CPT1A: variants seen among roughly 807,000 people sequenced by gnomAD.
CPT1A encodes carnitine palmitoyltransferase 1A, also known as carnitine O-palmitoyltransferase 1, liver isoform.
Under a neutral mutation model 100.8 loss-of-function variants are expected in CPT1A, and 64 were observed. The observed-to-expected ratio is 0.63, with a 90% CI of 0.52 to 0.78. CPT1A has a LOEUF of 0.78. Among genes scored for constraint, CPT1A ranks in the 30% least tolerant of loss-of-function variants. The pLI is 0.00. For synonymous variants in CPT1A, 363 were observed against 396.0 expected (o/e 0.92, Z 0.99); for missense variants, 802 against 1,034.1 (o/e 0.78, Z 3.08).
intron 6 of CPT1A, among the ~76,000 whole-genome samples, chr11:68,798,862 G>A (rs1225996488): frequency 1.3e-5 from 2 of 152,164 alleles, no homozygotes; most frequent in Non-Finnish European, 2.9e-5. Flanking sequence ...CTGCACTCAG[G>A]GTAAAACTGT....
At chr11:68,781,000 G>T (rs11228349) in intron 11 of CPT1A, among the ~76,000 whole-genome samples, 1 of 152,112 alleles carries the variant, frequency 6.6e-6, no homozygotes, top group Non-Finnish European at 1.5e-5. Context: ...TGTTGTTATC[G>T]CAAGGCAACT....
At chr11:68,766,837 A>G (rs984332766) in intron 14 of CPT1A, among the ~76,000 whole-genome samples, 20 of 152,222 alleles carry the variant, frequency 1.3e-4, no homozygotes, top group Non-Finnish European at 2.1e-4. Context: ...AAAAAAAAAA[A>G]AAAAGAAAAG....
At chr11:68,778,534 A>ACT (rs2153997489) in intron 12 of CPT1A, among the ~76,000 whole-genome samples, 1 of 152,010 alleles carries the variant, frequency 6.6e-6, no homozygotes, top group Admixed American at 6.6e-5. Flanking sequence ...TCAGGTTTAT[A>ACT]TATATATAAA....
chr11:68,755,710 C>CTTTTTTTTTTTTTTTTT lies in CPT1A; in HGVS notation c.*1933_*1934insAAAAAAAAAAAAAAAAA, dbSNP rs750569368. The CTTTTTTTTTTTTTTTTT allele has an allele frequency of 9.0e-6, 1 of 111,164 alleles. No homozygotes were observed. The highest frequency in any genetic ancestry group is 1.8e-5 in the Non-Finnish European group (1 of 55,644). The allele number at this position is 111,164 out of a possible 1,614,324, so 6.9% of individuals were successfully genotyped here. ...ACGCATGAGCCACCGCGCCTGGACG[C>CTTTTTTTTTTTTTTTTT]TTTTTTTTTTTTTTTTGTCTTTTGT... On this transcript the variant is annotated 3_prime_UTR_variant, in exon 19 of 19. Coordinates refer to ENST00000265641, the MANE Select transcript of CPT1A (RefSeq NM_001876.4).
At chr11:68,818,659 G>C (rs1362285652) in intron 1 of CPT1A, 1 of 152,616 alleles carries the variant, frequency 6.6e-6, no homozygotes, top group Admixed American at 6.5e-5. Flanking sequence ...AGGAACTCAA[G>C]ACCAGCCTGG....
chr11:68,758,470 G>A (rs1342799389), intron 18 of CPT1A, among the ~76,000 whole-genome samples: 1 of 152,150 alleles, frequency 6.6e-6, no homozygotes, highest in East Asian at 1.9e-4. Context: ...TGCTCTGTAT[G>A]CAGATTTCTT....
Position 68,804,134 on chromosome 11 carries a change from G to T in CPT1A, c.454-33C>A, listed in dbSNP as rs533158196. ...GAGAGAATTATATTTTCAGACTACTGCCATACTACTCTGAAGGCACCTGTT... is the reference window on the plus strand; with the variant it reads ...GAGAGAATTATATTTTCAGACTACTTCCATACTACTCTGAAGGCACCTGTT... On this transcript the variant is annotated intron_variant, in intron 4 of 18. Transcript: ENST00000265641. The T allele has an allele frequency of 9.2e-6, 14 of 1,527,898 alleles. 1 individual carries two copies. In the South Asian group the frequency reaches 1.3e-4, roughly 15 times the overall value. 94.6% of individuals were successfully genotyped at this position (1,527,898 alleles called of 1,614,324 possible).
At chr11:68,839,364 A>G (rs1857103838) in intron 1 of CPT1A, among the ~76,000 whole-genome samples, 1 of 152,098 alleles carries the variant, frequency 6.6e-6, no homozygotes, top group South Asian at 2.1e-4. Context: ...CCTTCCCCCA[A>G]GCCCCGGGCG....
At chr11:68,759,068 G>A (rs1946749627) in intron 18 of CPT1A, among the ~76,000 whole-genome samples, 1 of 151,944 alleles carries the variant, frequency 6.6e-6, no homozygotes, top group African/African-American at 2.4e-5. Context: ...GGAAATGTGG[G>A]GAGACCCTGT....
chr11:68,760,084 G>T, intron 17 of CPT1A, 141 bp downstream of exon 17: 1 of 687,750 alleles, frequency 1.5e-6, no homozygotes, highest in Admixed American at 2.2e-5. Flanking sequence ...GACATCCATA[G>T]CAATGATCAG....
intron 5 of CPT1A, among the ~76,000 whole-genome samples, chr11:68,802,783 G>A (rs1181916450): frequency 6.6e-6 from 1 of 150,844 alleles, no homozygotes; most frequent in African/African-American, 2.4e-5. Flanking sequence ...TGTAGTCCCA[G>A]CTACTCAGGA....
chr11:68,781,440 TG>T (rs1321032693), intron 11 of CPT1A, among the ~76,000 whole-genome samples: 2 of 152,034 alleles, frequency 1.3e-5, no homozygotes, highest in Non-Finnish European at 2.9e-5. Context: ...GCCAACATGG[TG>T]AAATCCTGTC....
chr11:68,796,977 G>A, intron 6 of CPT1A, 44 bp from the exon 7 acceptor site: 3 of 1,596,496 alleles, frequency 1.9e-6, no homozygotes, highest in South Asian at 1.1e-5. Context: ...CTCAGCAGGG[G>A]CCAGGCAGGC....
chr11:68,806,076 C>A (rs1856038034), intron 4 of CPT1A, among the ~76,000 whole-genome samples: 1 of 150,030 alleles, frequency 6.7e-6, no homozygotes, highest in Non-Finnish European at 1.5e-5. Context: ...AGTGCAGTGA[C>A]ACAACCACAG....
chr11:68,843,948 G>A (rs953602098), upstream of CPT1A, among the ~76,000 whole-genome samples: 1 of 152,208 alleles, frequency 6.6e-6, no homozygotes, highest in African/African-American at 2.4e-5. The surrounding 1 kb of genome is among the most constrained non-coding windows in gnomAD (Gnocchi z 4.0). Context: ...ACAGGTCCCC[G>A]CTCCAAGGTC....
rs189713036 is a variant in CPT1A at position 68,762,975 on chromosome 11, A to C, written c.1741-214T>G. On this transcript the variant is annotated intron_variant, in intron 14 of 18. Coordinates refer to ENST00000265641, the MANE Select transcript of CPT1A (RefSeq NM_001876.4). ...CCTGCTCCGGTGATCCCCCCACCTC[A>C]GCCTCCTGAGTAGCTGGGACTACAG... 3.3e-5 allele frequency among the ~76,000 whole-genome samples: 5 copies of C among 152,072 alleles called. No individual in the cohort carries two copies. In the East Asian group the frequency reaches 7.7e-4, roughly 24 times the overall value.
intron 6 of CPT1A, among the ~76,000 whole-genome samples, chr11:68,797,366 A>C (rs923442055): frequency 3.9e-5 from 6 of 152,214 alleles, no homozygotes; most frequent in African/African-American, 1.4e-4. Flanking sequence ...GACTGCTAAC[A>C]TGTTTTAAAA....
chr11:68,841,012 C>G lies in CPT1A; in HGVS notation c.-14+763G>C, dbSNP rs1310490196. 2.6e-5 allele frequency among the ~76,000 whole-genome samples: 4 copies of G among 152,234 alleles called. No homozygotes were observed. The highest frequency in any genetic ancestry group is 9.6e-5 in the African/African-American group (4 of 41,462). On this transcript the variant is annotated intron_variant, in intron 1 of 18. Transcript: ENST00000265641. This position sits in a 1 kb window ranked among gnomAD's most constrained non-coding sequence, Gnocchi z 6.3. The stretch of plus-strand genomic sequence containing the variant: ...CCAAGCAGGCACTGGGCCCGGCACC[C>G]TCATCCTGCTCACGGCAGCGCTCGG...
intron 5 of CPT1A, 55 bp from the exon 6 acceptor site, chr11:68,799,410 CCTATGTT>C: frequency 6.3e-7 from 1 of 1,581,090 alleles, no homozygotes; most frequent in Non-Finnish European, 8.7e-7. Context: ...TTAATCAAAG[CCTATGTT>C]TGCCTCACTT....
Sources: gnomAD v4.1 joint callset for allele counts (sites outside exome capture counted in the v4.1 genomes callset) on GRCh38, gnomAD v4.1.1 for gene constraint, Gnocchi (gnomAD v3.1) non-coding constraint, MANE v1.5 for transcripts, NCBI Gene and HGNC (gene_info 2026-07-23, HGNC 2026-07-21) for gene names.